PPM1L: variants seen among roughly 807,000 people sequenced by gnomAD.
PPM1L encodes protein phosphatase, Mg2+/Mn2+ dependent 1L.
PPM1L carries 13 observed loss-of-function variants against 31.4 expected under a neutral mutation model. The observed-to-expected ratio is 0.41, with a 90% CI of 0.27 to 0.66. PPM1L has a LOEUF of 0.66. Among genes scored for constraint, PPM1L ranks in the 30% least tolerant of loss-of-function variants. The pLI is 0.29. For missense variants in PPM1L, 326 were observed against 453.7 expected (o/e 0.72, Z 2.56); for synonymous variants, 184 against 175.4 (o/e 1.05, Z -0.39).
At chr3:160,783,326 G>A (rs1440490378) in intron 1 of PPM1L, among the ~76,000 whole-genome samples, 2 of 152,210 alleles carry the variant, frequency 1.3e-5, no homozygotes, top group Non-Finnish European at 2.9e-5. Flanking sequence ...GAGGCTGGGT[G>A]CGGTGGCTCA....
At chr3:161,044,457 TC>T (rs1718999062) in intron 2 of PPM1L, among the ~76,000 whole-genome samples, 2 of 151,834 alleles carry the variant, frequency 1.3e-5, no homozygotes, top group Non-Finnish European at 2.9e-5. Context: ...TTCAAAATTT[TC>T]TGAGGACCAG....
intron 1 of PPM1L, among the ~76,000 whole-genome samples, chr3:160,893,093 G>A (rs957243597): frequency 3.3e-5 from 5 of 152,100 alleles, no homozygotes; most frequent in African/African-American, 1.2e-4. Context: ...GACCTAAGAA[G>A]GCCATTTGCA....
intron 1 of PPM1L, among the ~76,000 whole-genome samples, chr3:160,934,089 G>A (rs1007183124): frequency 6.6e-6 from 1 of 152,214 alleles, no homozygotes; most frequent in Non-Finnish European, 1.5e-5. Context: ...ACAAGTTGAA[G>A]ATATGAAAAT....
At chr3:160,780,868 A>G (rs1465825234) in intron 1 of PPM1L, among the ~76,000 whole-genome samples, 2 of 152,134 alleles carry the variant, frequency 1.3e-5, no homozygotes, top group Admixed American at 6.6e-5. Context: ...ACAAGAATAT[A>G]TTATCTTGTT....
intron 1 of PPM1L, among the ~76,000 whole-genome samples, chr3:160,943,807 T>C (rs1053455822): frequency 6.6e-6 from 1 of 152,142 alleles, no homozygotes; most frequent in Non-Finnish European, 1.5e-5. Flanking sequence ...AAAAGAAAGC[T>C]TGGTTTGTTG....
intron 1 of PPM1L, among the ~76,000 whole-genome samples, chr3:160,926,495 A>T (rs1488527260): frequency 6.6e-6 from 1 of 152,192 alleles, no homozygotes; most frequent in Non-Finnish European, 1.5e-5. Flanking sequence ...CAGTCAGCAC[A>T]CCAAGAGTTT....
In PPM1L at chr3:161,025,610, T is replaced by C. The variant is rs556434149; in HGVS notation, c.575-39793T>C. Among the ~76,000 whole-genome samples, 55 of 150,684 alleles carry C rather than the reference T, an allele frequency of 3.7e-4. 1 individual carries two copies. The South Asian group carries it at 9.9e-3, about 27-fold the overall frequency. On this transcript the variant is annotated intron_variant, in intron 2 of 3. Transcript: ENST00000498165. ...AAAAAAAAAAGAGTCTCATGCAGCA[T>C]TTGGTTAGCTTGCCCTTCTATCTTC... is the stretch of plus-strand genomic sequence containing the variant.
At chr3:160,833,140 G>A (rs925023467) in intron 1 of PPM1L, among the ~76,000 whole-genome samples, 2 of 152,162 alleles carry the variant, frequency 1.3e-5, no homozygotes, top group Admixed American at 6.5e-5. Context: ...TGGTGTGTAT[G>A]TACCACATTT....
At chr3:160,954,629 C>T (rs1188270579) in intron 1 of PPM1L, among the ~76,000 whole-genome samples, 1 of 152,050 alleles carries the variant, frequency 6.6e-6, no homozygotes, top group Admixed American at 6.6e-5. Flanking sequence ...CTCCCAAAAT[C>T]CTAGGATTAC....
intron 1 of PPM1L, among the ~76,000 whole-genome samples, chr3:160,866,538 T>C (rs1324422410): frequency 6.6e-6 from 1 of 152,204 alleles, no homozygotes; most frequent in East Asian, 1.9e-4. Flanking sequence ...ATGAGAATAA[T>C]AATACTAAAA....
At chr3:160,879,852 T>C (rs763087174) in intron 1 of PPM1L, among the ~76,000 whole-genome samples, 1 of 152,194 alleles carries the variant, frequency 6.6e-6, no homozygotes, top group Non-Finnish European at 1.5e-5. Flanking sequence ...CTCCAGTCTC[T>C]CACAGTGATA....
In PPM1L at chr3:161,069,237, A is replaced by C; in HGVS notation, c.*80A>C. The C allele has an allele frequency of 9.2e-7, 1 of 1,082,922 alleles. No homozygotes were observed. Among genetic ancestry groups the C allele is most frequent in the Non-Finnish European group, 1.3e-6 (1 of 768,096 alleles). The allele number at this position is 1,082,922 out of a possible 1,614,324, so 67.1% of individuals were successfully genotyped here. A position where few individuals can be genotyped will look rare whatever the true frequency, so the allele number is the denominator to read the frequency against. On this transcript the variant is annotated 3_prime_UTR_variant, in exon 4 of 4. Transcript: ENST00000498165. ...CTTTTAATTTAGTGAAAAGTGTGGG[A>C]GTTGTAATTAGGATCATCCACCCCA...
Position 161,069,401 on chromosome 3 carries a change from TA to T in PPM1L, c.*245del. ...ACTCTTTCATCCAGTGTCCAAAATA[TA>T]TAAGTAAATAGCTGTAGAGTCACAT... On this transcript the variant is annotated 3_prime_UTR_variant, in exon 4 of 4. Transcript: ENST00000498165. 1 of 520,370 alleles carries T rather than the reference TA, an allele frequency of 1.9e-6. No homozygotes were observed. The highest frequency in any genetic ancestry group is 3.4e-6 in the Non-Finnish European group (1 of 293,362). 32.2% of individuals were successfully genotyped at this position (520,370 alleles called of 1,614,324 possible).
In PPM1L at chr3:160,786,293, C is replaced by T. The variant is rs541130642; in HGVS notation, c.399+29586C>T. Among the ~76,000 whole-genome samples, 178 of 143,398 alleles carry T rather than the reference C, an allele frequency of 1.2e-3. 3 individuals are homozygous for T. The Middle Eastern group carries it at 0.018, about 15-fold the overall frequency. The allele number at this position is 143,398 out of a possible 152,430, so 94.1% of individuals were successfully genotyped here. Reference sequence around the variant, plus strand: ...AGTGCAGAGACATGATCTTGGCTCACTGCAACCTCTGCCTCTCGAGTTCAA... The same window carrying T: ...AGTGCAGAGACATGATCTTGGCTCATTGCAACCTCTGCCTCTCGAGTTCAA... On this transcript the variant is annotated intron_variant, in intron 1 of 3. Coordinates refer to ENST00000498165, the MANE Select transcript of PPM1L (RefSeq NM_139245.4).
intron 2 of PPM1L, among the ~76,000 whole-genome samples, chr3:160,968,662 A>ATT (rs1196875103): frequency 6.6e-6 from 1 of 152,200 alleles, no homozygotes; most frequent in Non-Finnish European, 1.5e-5. Flanking sequence ...GTTTGAGGGA[A>ATT]TTATGAGGAG....
intron 1 of PPM1L, chr3:160,870,571 C>T (rs913183954): frequency 1.3e-5 from 2 of 151,992 alleles, no homozygotes; most frequent in Non-Finnish European, 2.9e-5. Context: ...TGCTGTGTCT[C>T]CTTGGTAATT....
chr3:160,978,181 A>G (rs1309020689), intron 2 of PPM1L, among the ~76,000 whole-genome samples: 2 of 152,168 alleles, frequency 1.3e-5, no homozygotes, highest in African/African-American at 4.8e-5. Context: ...AGCATCCCAG[A>G]CCATTTAGCT....
chr3:161,055,452 C>T (rs1719385985), intron 2 of PPM1L, among the ~76,000 whole-genome samples: 1 of 152,114 alleles, frequency 6.6e-6, no homozygotes, highest in Non-Finnish European at 1.5e-5. Context: ...TCATTAATGA[C>T]TGCCTTCACC....
chr3:160,855,172 A>G (rs377220867), intron 1 of PPM1L, among the ~76,000 whole-genome samples: 1 of 152,232 alleles, frequency 6.6e-6, no homozygotes, highest in African/African-American at 2.4e-5. Context: ...GGCTAGCCCT[A>G]TGCAGAAGAC....
Sources: allele counts gnomAD v4.1 joint callset (sites outside exome capture counted in the v4.1 genomes callset), GRCh38; gene constraint gnomAD v4.1.1; transcripts MANE v1.5; gene names NCBI Gene and HGNC (gene_info 2026-07-23, HGNC 2026-07-21).